Variants in GALK2 observed in about 807,000 individuals in gnomAD.
GALK2 encodes the protein galactokinase 2, also known as N-acetylgalactosamine kinase.
GALK2 carries 36 observed loss-of-function variants against 52.4 expected under a neutral mutation model. That is an observed-to-expected ratio of 0.69 (90% CI 0.53 to 0.91). The LOEUF (loss-of-function observed/expected upper bound fraction) is 0.91, where lower values mean the gene tolerates loss of function less well. GALK2 is among the 40% of genes least tolerant of loss of function. The probability of loss-of-function intolerance (pLI) is 0.00; values close to 1 mark genes in which losing one functional copy is unlikely to be tolerated. For synonymous variants in GALK2, 176 were observed against 199.1 expected (o/e 0.88, Z 0.98); for missense variants, 579 against 559.1 (o/e 1.04, Z -0.36).
intron 8 of GALK2, among the ~76,000 whole-genome samples, chr15:49,317,654 C>A (rs899900168): frequency 6.6e-6 from 1 of 152,086 alleles, no homozygotes; most frequent in Non-Finnish European, 1.5e-5. Context: ...GACTTGGAAC[C>A]AACCCAAATG....
At chr15:49,210,973 T>TCACACACACACA (rs3075099) in intron 2 of GALK2, among the ~76,000 whole-genome samples, 2,886 of 146,612 alleles carry the variant, frequency 0.02, 44 homozygotes, top group African/African-American at 0.036. Context: ...ACACACACAC[T>TCACACACACACA]CACACACACA....
At chr15:49,231,182 C>T (rs528652147) in intron 3 of GALK2, among the ~76,000 whole-genome samples, 22 of 152,224 alleles carry the variant, frequency 1.4e-4, no homozygotes, top group African/African-American at 5.3e-4. Flanking sequence ...GGAAGCATGG[C>T]TGCGGAGGCC....
intron 8 of GALK2, among the ~76,000 whole-genome samples, chr15:49,311,423 T>TA (rs2035981369): frequency 6.6e-6 from 1 of 152,232 alleles, no homozygotes; most frequent in East Asian, 1.9e-4. Flanking sequence ...TCTCTCCTGT[T>TA]ACATTCTCTG....
rs2151431950 is a variant in GALK2, at chr15:49,364,701, T to A, written c.427-2790T>A. On this transcript the variant is annotated intron_variant, in intron 3 of 3. Transcript: ENST00000558399. ...ACCGTTGAACTGCCTTCTTGCATGG[T>A]CTTAAACAGTTATTTCTATAAAGCA... is the stretch of plus-strand genomic sequence containing the variant. Among the ~76,000 whole-genome samples, 2 of 152,298 alleles carry A rather than the reference T, an allele frequency of 1.3e-5. 1 individual carries two copies. The highest frequency in any genetic ancestry group is 6.8e-3 in the Middle Eastern group (2 of 294).
intron 1 of GALK2, among the ~76,000 whole-genome samples, chr15:49,173,662 GT>G (rs919263721): frequency 2.7e-5 from 4 of 149,982 alleles, no homozygotes; most frequent in African/African-American, 7.3e-5. Context: ...AATTATATTT[GT>G]TTTTTTTTAC....
exon 1 of GALK2, chr15:49,155,823 G>A (rs1214820155): frequency 2.7e-6 from 2 of 734,406 alleles, no homozygotes; most frequent in Non-Finnish European, 4.5e-6. Context: ...GACATCGTCC[G>A]GTGCTGCAGG....
chr15:49,327,994 G>A lies in GALK2; in HGVS notation c.1212G>A (p.Trp404Ter), dbSNP rs767278183. The A allele has an allele frequency of 6.2e-7, 1 of 1,613,808 alleles. No homozygotes were observed. Among genetic ancestry groups the A allele is most frequent in the African/African-American group, 1.3e-5 (1 of 75,002 alleles). Residue 404 changes from tryptophan to a stop codon, truncating the protein, a stop_gained, in exon 10 of 10, where the codon TGG becomes TGA. Coordinates refer to ENST00000560031, the MANE Select transcript of GALK2 (RefSeq NM_002044.4). LOFTEE classifies it high-confidence loss of function. ...GGTCACGACTTACTGGAGCAGGATG[G>A]GGAGGCTGCACAGTATCAATGGTAC... ...AQGSRLTGAGWGGCTVSMVPA... is the reference protein window; with the variant it reads ...AQGSRLTGAG
At chr15:49,341,859 T>A (rs2040778815) in intron 3 of GALK2, among the ~76,000 whole-genome samples, 1 of 152,210 alleles carries the variant, frequency 6.6e-6, no homozygotes, top group Non-Finnish European at 1.5e-5. Context: ...TTTTGGGAAA[T>A]CTTTTTGGTA....
At chr15:49,193,708 T>C (rs672777) in intron 1 of GALK2, among the ~76,000 whole-genome samples, 89,065 of 151,442 alleles carry the variant, frequency 0.59, 26,342 homozygotes, top group Middle Eastern at 0.66. Context: ...TGTACTAGCA[T>C]TCTGTTTTTT....
chr15:49,271,871 G>T (rs1010222592), intron 5 of GALK2, among the ~76,000 whole-genome samples: 2 of 152,168 alleles, frequency 1.3e-5, no homozygotes, highest in African/African-American at 2.4e-5. Context: ...AATGGATAAT[G>T]GCAAAGCCCT....
intron 7 of GALK2, among the ~76,000 whole-genome samples, chr15:49,285,228 T>G (rs2033210069): frequency 6.6e-6 from 1 of 152,210 alleles, no homozygotes; most frequent in Admixed American, 6.5e-5. Flanking sequence ...TTTCTTATCT[T>G]TCAACAGAGT....
chr15:49,236,181 A>ATC (rs1181737377), intron 4 of GALK2, among the ~76,000 whole-genome samples: 5 of 152,180 alleles, frequency 3.3e-5, no homozygotes, highest in Non-Finnish European at 7.3e-5. Context: ...TCTGACAAAC[A>ATC]TCTGTCTGGT....
intron 8 of GALK2, among the ~76,000 whole-genome samples, chr15:49,316,335 G>A (rs201460209): frequency 6.6e-6 from 1 of 151,808 alleles, no homozygotes; most frequent in South Asian, 2.1e-4. Context: ...CTGTGGAGGG[G>A]AAAAATGAAA....
At chr15:49,282,957 A>G (rs1281673482) in intron 6 of GALK2, among the ~76,000 whole-genome samples, 2 of 152,212 alleles carry the variant, frequency 1.3e-5, no homozygotes, top group African/African-American at 2.4e-5. Flanking sequence ...GTCTGAACAC[A>G]GTCTAAGTTC....
intron 1 of GALK2, among the ~76,000 whole-genome samples, chr15:49,189,669 A>G (rs758315485): frequency 1.6e-4 from 25 of 152,126 alleles, no homozygotes; most frequent in Non-Finnish European, 3.5e-4. Flanking sequence ...TGCAATATAG[A>G]GACAATACAG....
downstream of GALK2, among the ~76,000 whole-genome samples, chr15:49,335,760 C>A (rs2039597545): frequency 6.6e-6 from 1 of 152,232 alleles, no homozygotes; most frequent in Middle Eastern, 3.4e-3. Flanking sequence ...CTGTAATTAC[C>A]TTTTGTATGT....
chr15:49,270,821 C>T (rs1224238473), intron 5 of GALK2, among the ~76,000 whole-genome samples: 1 of 152,184 alleles, frequency 6.6e-6, no homozygotes, highest in Non-Finnish European at 1.5e-5. Flanking sequence ...CAAGTATTCT[C>T]ATAGTTATTA....
chr15:49,215,316 A>G (rs1316118169), intron 2 of GALK2, among the ~76,000 whole-genome samples: 1 of 152,168 alleles, frequency 6.6e-6, no homozygotes, highest in Non-Finnish European at 1.5e-5. Flanking sequence ...TAAACTTTCT[A>G]CCCTGATCTC....
chr15:49,174,415 G>A (rs951682852), intron 1 of GALK2, among the ~76,000 whole-genome samples: 2 of 152,032 alleles, frequency 1.3e-5, no homozygotes, highest in Non-Finnish European at 2.9e-5. Context: ...TCATGAACTC[G>A]GCTCACCACA....
Sources: gnomAD v4.1 joint callset for allele counts (sites outside exome capture counted in the v4.1 genomes callset) on GRCh38, gnomAD v4.1.1 for gene constraint, MANE v1.5 for transcripts, NCBI Gene and HGNC (gene_info 2026-07-23, HGNC 2026-07-21) for gene names.